Variants in UBN1 observed in about 807,000 individuals in gnomAD.
UBN1 encodes the protein ubinuclein 1.
UBN1 carries 17 observed loss-of-function variants against 108.5 expected under a neutral mutation model. The observed-to-expected ratio is 0.16, with a 90% CI of 0.11 to 0.24. The LOEUF is 0.24. Among genes scored for constraint, UBN1 ranks in the 10% least tolerant of loss-of-function variants. UBN1 has a pLI of 1.00. For missense variants in UBN1, 1,595 were observed against 1,394.4 expected (o/e 1.14, Z -2.29); for synonymous variants, 726 against 564.2 (o/e 1.29, Z -4.07).
At chr16:4,855,572 C>T (rs1194610157) in intron 2 of UBN1, among the ~76,000 whole-genome samples, 6 of 144,168 alleles carry the variant, frequency 4.2e-5, no homozygotes, top group Non-Finnish European at 7.5e-5. Flanking sequence ...GCCGTGATCA[C>T]ACCACCGCAC....
At chr16:4,871,842 T>C (rs1282930751) in intron 12 of UBN1, among the ~76,000 whole-genome samples, 1 of 152,146 alleles carries the variant, frequency 6.6e-6, no homozygotes, top group East Asian at 1.9e-4. Flanking sequence ...CACCTTGGCC[T>C]CCCTAAGTGC....
intron 12 of UBN1, chr16:4,872,434 A>T: frequency 3.2e-6 from 1 of 310,016 alleles, no homozygotes; most frequent in Non-Finnish European, 4.1e-6. Flanking sequence ...TCCCCAATCC[A>T]TTGACCTTTT....
chr16:4,869,320 G>A (rs984131612), intron 8 of UBN1, among the ~76,000 whole-genome samples: 3 of 152,184 alleles, frequency 2.0e-5, no homozygotes, highest in South Asian at 2.1e-4. Context: ...TGGCTGTTCC[G>A]CTCGCTGGCA....
In UBN1 at chr16:4,860,209, G is replaced by C. The variant is rs191726930; in HGVS notation, c.671+241G>C. Among the ~76,000 whole-genome samples, 4 of 152,224 alleles carry C rather than the reference G, an allele frequency of 2.6e-5. No individual in the cohort carries two copies. In the East Asian group the frequency reaches 7.7e-4, roughly 29 times the overall value. On this transcript the variant is annotated intron_variant, in intron 6 of 17. Transcript: ENST00000262376. Reference sequence around the variant, plus strand: ...CACTGTGTGACTGCTGATGTTTCTCGTCCTCTGGGGTGCTCCTCTCTGCCC... The same window carrying C: ...CACTGTGTGACTGCTGATGTTTCTCCTCCTCTGGGGTGCTCCTCTCTGCCC...
intron 7 of UBN1, among the ~76,000 whole-genome samples, chr16:4,862,244 G>A (rs1191091446): frequency 2.0e-5 from 3 of 152,196 alleles, no homozygotes; most frequent in African/African-American, 7.2e-5. Flanking sequence ...GTGTTTTAGG[G>A]CAGGGTAAAT....
At chr16:4,869,654 A>G (rs2087516958) in intron 8 of UBN1, among the ~76,000 whole-genome samples, 1 of 152,220 alleles carries the variant, frequency 6.6e-6, no homozygotes, top group East Asian at 1.9e-4. Context: ...TGTGAGCTGC[A>G]GAGAGCACCT....
At chr16:4,850,362 G>A (rs1032134404) in intron 1 of UBN1, among the ~76,000 whole-genome samples, 26 of 152,162 alleles carry the variant, frequency 1.7e-4, no homozygotes, top group African/African-American at 5.8e-4. Context: ...AAGGTTATGT[G>A]TTTACTGCCT....
chr16:4,852,421 G>A (rs1160984089), intron 1 of UBN1: 62 of 156,948 alleles, frequency 4.0e-4, no homozygotes, highest in Non-Finnish European at 3.1e-4. Flanking sequence ...CTATCCTGGG[G>A]TAGGCAATAT....
rs573120186 is a variant in UBN1, at chr16:4,874,742, C to G, written c.2332C>G (p.Gln778Glu). Residue 778 changes from glutamine to glutamate, a missense_variant, in exon 15 of 18, where the codon CAG becomes GAG. Transcript: ENST00000262376. Reference sequence around the variant, plus strand: ...CAATAAGGGCCTGCCAGAAGTACATCAGTCCAAAGCTAAGCACCACAGCTT... The same window carrying G: ...CAATAAGGGCCTGCCAGAAGTACATGAGTCCAAAGCTAAGCACCACAGCTT... ...PLNKGLPEVH[Q>E]SKAKHHSLPR... is the part of the protein sequence containing the mutation. 2 of 1,614,100 alleles carry G rather than the reference C, an allele frequency of 1.2e-6. 1 individual carries two copies. The highest frequency in any genetic ancestry group is 4.5e-5 in the East Asian group (2 of 44,878).
chr16:4,858,599 A>G lies in UBN1; in HGVS notation c.368A>G (p.Gln123Arg), dbSNP rs752716891. Reference sequence around the variant, plus strand: ...AAGAAACGTAGAAAAGACCGAATACAGGACTTGATCGATATGGGGTATGGT... The same window carrying G: ...AAGAAACGTAGAAAAGACCGAATACGGGACTTGATCGATATGGGGTATGGT... ...GGKKRRKDRI[Q>R]DLIDMGYGYD... Residue 123 changes from glutamine (Q) to arginine (R), a missense_variant, in exon 4 of 18, where the codon CAG (glutamine) becomes CGG (arginine). Transcript: ENST00000262376. The G allele has an allele frequency of 1.4e-5, 22 of 1,614,216 alleles. No individual in the cohort carries two copies. Among genetic ancestry groups the G allele is most frequent in the Non-Finnish European group, 1.3e-5 (15 of 1,180,022 alleles).
chr16:4,875,785 A>G (rs1275529886), intron 15 of UBN1, among the ~76,000 whole-genome samples: 1 of 152,122 alleles, frequency 6.6e-6, no homozygotes, highest in Admixed American at 6.5e-5. Flanking sequence ...GGGGCTGGAA[A>G]TGCTGTCTTC....
chr16:4,873,901 A>T (rs552375987), intron 14 of UBN1, among the ~76,000 whole-genome samples: 1 of 152,226 alleles, frequency 6.6e-6, no homozygotes, highest in Admixed American at 6.5e-5. Context: ...TAGGCAGAGT[A>T]TCTCTTCACG....
chr16:4,847,603 C>G lies in UBN1; in HGVS notation c.-647C>G, dbSNP rs533151151. 1.6e-3 allele frequency: 549 copies of G among 338,292 alleles called. 3 individuals are homozygous for G. Among genetic ancestry groups the G allele is most frequent in the African/African-American group, 0.01 (466 of 45,174 alleles). The allele number at this position is 338,292 out of a possible 1,614,324, so 21.0% of individuals were successfully genotyped here. On this transcript the variant is annotated 5_prime_UTR_variant, in exon 1 of 18. Coordinates refer to ENST00000262376, the MANE Select transcript of UBN1 (RefSeq NM_001079514.3). ...CCGGCCTCGCGGCTCGCCCCGCCCC[C>G]GGGTCTTGGACTCCGCGCCCCTCCC...
chr16:4,854,247 G>C (rs28846492), intron 2 of UBN1, among the ~76,000 whole-genome samples: 1 of 151,234 alleles, frequency 6.6e-6, no homozygotes, highest in African/African-American at 2.4e-5. Flanking sequence ...GTTAGTCAGG[G>C]TGGTCTCGAT....
intron 7 of UBN1, among the ~76,000 whole-genome samples, chr16:4,864,046 C>A (rs1017322617): frequency 2.1e-5 from 3 of 144,364 alleles, no homozygotes; most frequent in Non-Finnish European, 4.5e-5. Context: ...TGGGAGGAAT[C>A]TGTGATCCTG....
At chr16:4,876,153 T>TG (rs1392054792) in intron 15 of UBN1, among the ~76,000 whole-genome samples, 1 of 151,860 alleles carries the variant, frequency 6.6e-6, no homozygotes, top group Non-Finnish European at 1.5e-5. Context: ...AGAGATGGAG[T>TG]TTCACCATGT....
At chr16:4,869,995 G>A (rs1024735649) in intron 8 of UBN1, among the ~76,000 whole-genome samples, 1 of 152,166 alleles carries the variant, frequency 6.6e-6, no homozygotes. Context: ...AAGAGCCTTG[G>A]CCCACATTAC....
At chr16:4,861,150 G>C (rs769603597) in intron 7 of UBN1, 48 bp downstream of exon 7, 35 of 1,556,662 alleles carry the variant, frequency 2.2e-5, no homozygotes, top group Non-Finnish European at 2.6e-5. Flanking sequence ...AGTTTGGGCA[G>C]ATTGCTGTTG....
chr16:4,860,847 C>G lies in UBN1; in HGVS notation c.855C>G (p.Ala285=), dbSNP rs769605096. Residue 285 remains alanine, a synonymous_variant, in exon 7 of 18, where the codon GCC becomes GCG. Transcript: ENST00000262376. The stretch of plus-strand genomic sequence containing the variant: ...AGGGCCTGCGGGAACTGGAGGGTGC[C>G]TCTGACCCCTTGCTCTCACTCTTTG... ...EAQGLRELEG[A]SDPLLSLFGS... is the part of the protein sequence containing the mutation. The G allele has an allele frequency of 1.9e-6, 3 of 1,614,274 alleles. No homozygotes were observed. Among genetic ancestry groups the G allele is most frequent in the Admixed American group, 3.3e-5 (2 of 60,030 alleles).
Sources: allele counts gnomAD v4.1 joint callset (sites outside exome capture counted in the v4.1 genomes callset), GRCh38; gene constraint gnomAD v4.1.1; transcripts MANE v1.5; gene names NCBI Gene and HGNC (gene_info 2026-07-23, HGNC 2026-07-21).